The following CACNA2D1 variants were observed in gnomAD, a reference collection of about 807,000 sequenced individuals.
The protein encoded by CACNA2D1 is calcium voltage-gated channel auxiliary subunit alpha2delta 1, also known as voltage-dependent calcium channel subunit alpha-2/delta-1.
A neutral mutation model predicts 171.5 loss-of-function variants in CACNA2D1; 53 were observed. That is an observed-to-expected ratio of 0.31 (90% CI 0.25 to 0.39). The LOEUF is 0.39. Ranked by LOEUF, CACNA2D1 falls within the 10% of genes least tolerant of loss-of-function variation. The probability of loss-of-function intolerance (pLI) is 1.00; values close to 1 mark genes in which losing one functional copy is unlikely to be tolerated. For synonymous variants in CACNA2D1, 442 were observed against 443.1 expected, an observed-to-expected ratio of 1.00 and a Z score of 0.03; for missense variants, 903 against 1,299.8, an observed-to-expected ratio of 0.69 and a Z score of 4.69.
At chr7:82,019,665 T>A (rs1308284599) in intron 12 of CACNA2D1, among the ~76,000 whole-genome samples, 5 of 152,136 alleles carry the variant, frequency 3.3e-5, no homozygotes, top group Non-Finnish European at 5.9e-5. Context: ...AGCCACAGGG[T>A]CAACCTATTT....
At chr7:82,055,618 A>G (rs1391811423) in intron 10 of CACNA2D1, among the ~76,000 whole-genome samples, 3 of 151,746 alleles carry the variant, frequency 2.0e-5, no homozygotes, top group Admixed American at 6.6e-5. Flanking sequence ...TTGTAGGGAC[A>G]TGGATGAAGA....
chr7:82,240,330 G>T (rs1330017040), intron 3 of CACNA2D1, among the ~76,000 whole-genome samples: 1 of 152,148 alleles, frequency 6.6e-6, no homozygotes, highest in Non-Finnish European at 1.5e-5. Flanking sequence ...CTCAATCTAT[G>T]TTATATCCCT....
chr7:82,302,413 T>TA (rs1813129079), intron 3 of CACNA2D1, among the ~76,000 whole-genome samples: 1 of 145,014 alleles, frequency 6.9e-6, no homozygotes. Flanking sequence ...TTCTAATTCT[T>TA]TTTTTTTTTT....
chr7:82,383,325 C>T (rs1339616479), intron 1 of CACNA2D1, among the ~76,000 whole-genome samples: 4 of 152,136 alleles, frequency 2.6e-5, no homozygotes, highest in South Asian at 4.1e-4. Context: ...AGACTGCCAG[C>T]GGTACCACTG....
At chr7:82,107,172 T>A (rs542762693) in intron 6 of CACNA2D1, among the ~76,000 whole-genome samples, 1 of 152,284 alleles carries the variant, frequency 6.6e-6, no homozygotes, top group African/African-American at 2.4e-5. Flanking sequence ...GCATGAAGCA[T>A]GTAAGATTCA....
chr7:82,222,850 G>GT (rs921582355), intron 3 of CACNA2D1, among the ~76,000 whole-genome samples: 4 of 145,704 alleles, frequency 2.7e-5, no homozygotes, highest in East Asian at 2.0e-4. Context: ...ATCAAAATTA[G>GT]TTTTTTTTCC....
intron 3 of CACNA2D1, among the ~76,000 whole-genome samples, chr7:82,258,502 T>G (rs1357446553): frequency 6.6e-6 from 1 of 152,068 alleles, no homozygotes; most frequent in Admixed American, 6.6e-5. Context: ...CTTTATTGAG[T>G]CAGACGGTAT....
intron 1 of CACNA2D1, among the ~76,000 whole-genome samples, chr7:82,385,105 A>G (rs1175946235): frequency 6.6e-6 from 1 of 152,100 alleles, no homozygotes; most frequent in Non-Finnish European, 1.5e-5. Context: ...CAATGAACCT[A>G]AACTCCAGCC....
chr7:82,337,792 T>C (rs957961334), intron 2 of CACNA2D1, among the ~76,000 whole-genome samples: 2 of 152,178 alleles, frequency 1.3e-5, no homozygotes, highest in African/African-American at 4.8e-5. Flanking sequence ...CAGGATACTT[T>C]TCCTCCTGAT....
Position 82,156,792 on chromosome 7 carries a change from T to TC in CACNA2D1, c.354+13757dup, listed in dbSNP as rs1218024260. Among the ~76,000 whole-genome samples, 4 of 152,206 alleles carry TC rather than the reference T, an allele frequency of 2.6e-5. No individual in the cohort carries two copies. In the East Asian group the frequency reaches 7.7e-4, roughly 29 times the overall value. On this transcript the variant is annotated intron_variant, in intron 4 of 38. Coordinates refer to ENST00000356860, the MANE Select transcript of CACNA2D1 (RefSeq NM_000722.4). ...TTGAGTTAAATGTGGTTGAACTTTT[T>TC]CTCAAAGGCCCCTGTTTATAAATGC...
At chr7:82,323,389 T>C (rs1443022385) in intron 3 of CACNA2D1, among the ~76,000 whole-genome samples, 1 of 152,196 alleles carries the variant, frequency 6.6e-6, no homozygotes, top group Non-Finnish European at 1.5e-5. Flanking sequence ...GTTTGATGAC[T>C]ATCATCATAG....
At chr7:82,252,264 A>T (rs1805733110) in intron 3 of CACNA2D1, among the ~76,000 whole-genome samples, 1 of 152,138 alleles carries the variant, frequency 6.6e-6, no homozygotes, top group Admixed American at 6.6e-5. Flanking sequence ...TGTAATCCTT[A>T]CAACTATGCT....
intron 34 of CACNA2D1, 145 bp from the exon 35 acceptor site, chr7:81,962,640 A>T: frequency 1.7e-6 from 1 of 600,334 alleles, no homozygotes; most frequent in Non-Finnish European, 3.0e-6. Context: ...TCAAAATTAT[A>T]TAACACATTG....
intron 7 of CACNA2D1, among the ~76,000 whole-genome samples, chr7:82,067,237 C>T (rs756684898): frequency 1.3e-4 from 20 of 152,100 alleles, no homozygotes; most frequent in Non-Finnish European, 2.6e-4. Context: ...CAAAGCTTTA[C>T]ATGCATGCAC....
At chr7:82,139,470 A>C (rs1378148405) in intron 4 of CACNA2D1, among the ~76,000 whole-genome samples, 1 of 152,134 alleles carries the variant, frequency 6.6e-6, no homozygotes, top group Non-Finnish European at 1.5e-5. Context: ...TTTTTTGTGT[A>C]CTACATTCTA....
chr7:82,032,757 GATC>G (rs750488554), intron 12 of CACNA2D1, 37 bp downstream of exon 12: 13 of 1,150,442 alleles, frequency 1.1e-5, no homozygotes, highest in African/African-American at 6.2e-5. Context: ...AAACCACCTA[GATC>G]ATTATTAAAA....
chr7:82,055,463 C>T (rs113101920), intron 10 of CACNA2D1, among the ~76,000 whole-genome samples: 1,534 of 151,992 alleles, frequency 0.01, 27 homozygotes, highest in African/African-American at 0.035. Flanking sequence ...CACATGCACA[C>T]GTATGTTTAC....
chr7:82,337,010 C>T lies in CACNA2D1; in HGVS notation c.178-1759G>A, dbSNP rs139102269. Reference sequence around the variant, plus strand: ...TTATTAAGTCTCTACATACATGTGCCGGACATATTAATTACTTGGTGCTTT... The same window carrying T: ...TTATTAAGTCTCTACATACATGTGCTGGACATATTAATTACTTGGTGCTTT... On this transcript the variant is annotated intron_variant, in intron 2 of 38. Transcript: ENST00000356860. Among the ~76,000 whole-genome samples the T allele has an allele frequency of 5.1e-3, 775 of 151,924 alleles. 4 individuals carry two copies. Among genetic ancestry groups the T allele is most frequent in the African/African-American group, 0.015 (640 of 41,470 alleles).
intron 4 of CACNA2D1, among the ~76,000 whole-genome samples, chr7:82,153,111 C>T (rs1794022764): frequency 6.7e-6 from 1 of 150,102 alleles, no homozygotes; most frequent in Non-Finnish European, 1.5e-5. Context: ...TACTTTCAGA[C>T]AGGCACTATT....
Sources: gnomAD v4.1 joint callset for allele counts (sites outside exome capture counted in the v4.1 genomes callset) on GRCh38, gnomAD v4.1.1 for gene constraint, MANE v1.5 for transcripts, NCBI Gene and HGNC (gene_info 2026-07-23, HGNC 2026-07-21) for gene names.